Variants in PTGFR observed in about 807,000 individuals in gnomAD.
PTGFR encodes the protein prostaglandin F2-alpha receptor.
Under a neutral mutation model 26.2 loss-of-function variants are expected in PTGFR, and 15 were observed. That is an observed-to-expected ratio of 0.57 (90% CI 0.38 to 0.88). The LOEUF (loss-of-function observed/expected upper bound fraction) is 0.88, where lower values mean the gene tolerates loss of function less well. PTGFR is among the 40% of genes least tolerant of loss of function. The probability of loss-of-function intolerance (pLI) is 0.00; values close to 1 mark genes in which losing one functional copy is unlikely to be tolerated. For synonymous variants in PTGFR, 165 were observed against 151.1 expected (o/e 1.09, Z -0.68); for missense variants, 369 against 427.2 (o/e 0.86, Z 1.20).
intron 2 of PTGFR, among the ~76,000 whole-genome samples, chr1:78,511,222 A>G (rs1024551912): frequency 6.6e-6 from 1 of 152,216 alleles, no homozygotes; most frequent in African/African-American, 2.4e-5. Context: ...GCTCCAACCC[A>G]AAACTTTTCC....
intron 2 of PTGFR, among the ~76,000 whole-genome samples, chr1:78,494,423 T>C (rs1018588276): frequency 2.6e-5 from 4 of 152,154 alleles, no homozygotes; most frequent in Admixed American, 2.6e-4. Context: ...CTTTTTTCCC[T>C]CGTCTGTAAC....
chr1:78,536,331 G>C (rs968784895), intron 2 of PTGFR, 75 bp from the exon 3 acceptor site: 1 of 1,399,702 alleles, frequency 7.1e-7, no homozygotes, highest in African/African-American at 1.4e-5. Flanking sequence ...ATGTCATCTA[G>C]CATAGCTAAT....
chr1:78,518,480 A>G (rs1440387923), intron 2 of PTGFR, among the ~76,000 whole-genome samples: 1 of 151,854 alleles, frequency 6.6e-6, no homozygotes, highest in African/African-American at 2.4e-5. Context: ...TTGACCCTAG[A>G]GAATCAGTTT....
chr1:78,492,859 TG>T lies in PTGFR; in HGVS notation c.119del (p.Gly40GlufsTer13). The T allele has an allele frequency of 6.2e-7, 1 of 1,614,162 alleles. No individual in the cohort carries two copies. The highest frequency in any genetic ancestry group is 8.5e-7 in the Non-Finnish European group (1 of 1,180,026). On this transcript the variant is annotated frameshift_variant, in exon 2 of 3. Coordinates refer to ENST00000370757, the MANE Select transcript of PTGFR (RefSeq NM_000959.4). LOFTEE classifies it high-confidence loss of function. The stretch of plus-strand genomic sequence containing the variant: ...TTTTTTTCAGTAATCTTCATGACAG[TG>T]GGAATCTTGTCAAACAGCCTTGCCA... The part of the protein sequence containing the change: ...SVFFSVIFMT[V>X]GILSNSLAIA...
chr1:78,507,947 G>A lies in PTGFR; in HGVS notation c.798+14406G>A, dbSNP rs529354502. On this transcript the variant is annotated intron_variant, in intron 2 of 2. Transcript: ENST00000370757. ...GACCTTGCTGACTTTATTCTATTTT[G>A]TTTTCTTCATTTACTTGTATAAAGA... is the stretch of plus-strand genomic sequence containing the variant. Among the ~76,000 whole-genome samples the A allele has an allele frequency of 3.9e-5, 6 of 152,072 alleles. No individual in the cohort carries two copies. In the East Asian group the frequency reaches 5.8e-4, roughly 15 times the overall value.
chr1:78,495,373 G>A (rs1211077904), intron 2 of PTGFR, among the ~76,000 whole-genome samples: 1 of 152,200 alleles, frequency 6.6e-6, no homozygotes. Flanking sequence ...TTTCCCGAGT[G>A]TAATGGTTTT....
Position 78,536,793 on chromosome 1 carries a change from C to T in PTGFR, c.*106C>T, listed in dbSNP as rs1171870799. ...TAGCCTAACTGGAAAATTCAGGCTT[C>T]ATCATGTAGTTTGAAGATACTATTG... is the stretch of plus-strand genomic sequence containing the variant. On this transcript the variant is annotated 3_prime_UTR_variant, in exon 3 of 3. Transcript: ENST00000370757. 1 of 1,242,990 alleles carries T rather than the reference C, an allele frequency of 8.0e-7. No homozygotes were observed. The highest frequency in any genetic ancestry group is 1.1e-6 in the Non-Finnish European group (1 of 921,128). The allele number at this position is 1,242,990 out of a possible 1,614,324, so 77.0% of individuals were successfully genotyped here.
chr1:78,517,208 C>T (rs986763046), intron 2 of PTGFR, among the ~76,000 whole-genome samples: 1 of 152,070 alleles, frequency 6.6e-6, no homozygotes, highest in Non-Finnish European at 1.5e-5. Flanking sequence ...TTTAGAAATA[C>T]TCATTCAATT....
chr1:78,502,673 A>G (rs1010051727), intron 2 of PTGFR, among the ~76,000 whole-genome samples: 1 of 152,148 alleles, frequency 6.6e-6, no homozygotes, highest in Non-Finnish European at 1.5e-5. Flanking sequence ...GAATAATGGG[A>G]ATTATAAGAG....
Position 78,520,451 on chromosome 1 carries a change from A to G in PTGFR, c.799-15955A>G, listed in dbSNP as rs566237594. 1.5e-3 allele frequency among the ~76,000 whole-genome samples: 224 copies of G among 152,166 alleles called. 1 individual carries two copies. Among genetic ancestry groups the G allele is most frequent in the African/African-American group, 5.2e-3 (218 of 41,530 alleles). ...AAAACTTGGTAGCTTAATGGAAAAA[A>G]CAAGATAATTTATACACTGGAAAGA... On this transcript the variant is annotated intron_variant, in intron 2 of 2. Coordinates refer to ENST00000370757, the MANE Select transcript of PTGFR (RefSeq NM_000959.4).
intron 2 of PTGFR, among the ~76,000 whole-genome samples, chr1:78,525,525 T>G (rs1480355433): frequency 6.6e-6 from 1 of 152,048 alleles, no homozygotes. Context: ...TTAATGGGTA[T>G]CATCAACCAG....
At chr1:78,495,936 A>G (rs1285496552) in intron 2 of PTGFR, among the ~76,000 whole-genome samples, 1 of 152,258 alleles carries the variant, frequency 6.6e-6, no homozygotes, top group Non-Finnish European at 1.5e-5. Flanking sequence ...AATTATTGAT[A>G]TATCTGTGTC....
At chr1:78,491,765 C>T (rs1007179174) in intron 1 of PTGFR, among the ~76,000 whole-genome samples, 2 of 152,138 alleles carry the variant, frequency 1.3e-5, no homozygotes, top group Non-Finnish European at 1.5e-5. Context: ...TCGGGCTGGG[C>T]GCAGGAAAGG....
Position 78,533,064 on chromosome 1 carries a change from G to T in PTGFR, c.799-3342G>T, listed in dbSNP as rs143241850. On this transcript the variant is annotated intron_variant, in intron 2 of 2. Coordinates refer to ENST00000370757, the MANE Select transcript of PTGFR (RefSeq NM_000959.4). ...TATAGAGTTAGTTTATTTCTGTCCA[G>T]TGTATTTTCTTAAAGAAAGATTGAG... Among the ~76,000 whole-genome samples the T allele has an allele frequency of 2.5e-3, 379 of 152,204 alleles. 5 individuals carry two copies. The highest frequency in any genetic ancestry group is 1.9e-3 in the Non-Finnish European group (131 of 67,990).
At chr1:78,520,290 T>A (rs550543521) in intron 2 of PTGFR, among the ~76,000 whole-genome samples, 2 of 152,258 alleles carry the variant, frequency 1.3e-5, no homozygotes, top group South Asian at 4.1e-4. Flanking sequence ...TATCTCCTCA[T>A]ATTTCTTTAA....
intron 2 of PTGFR, among the ~76,000 whole-genome samples, chr1:78,535,151 A>C (rs1650615335): frequency 6.6e-6 from 1 of 152,136 alleles, no homozygotes; most frequent in Non-Finnish European, 1.5e-5. Flanking sequence ...TTTGTAGAGG[A>C]GAGAGGAGAA....
At chr1:78,509,499 TAAAA>T (rs904154468) in intron 2 of PTGFR, among the ~76,000 whole-genome samples, 8 of 152,386 alleles carry the variant, frequency 5.2e-5, no homozygotes, top group African/African-American at 1.9e-4. Context: ...TTTCCTAGTA[TAAAA>T]ATTTATTTCC....
chr1:78,514,635 G>T (rs1431419578), intron 2 of PTGFR, among the ~76,000 whole-genome samples: 1 of 152,160 alleles, frequency 6.6e-6, no homozygotes, highest in Non-Finnish European at 1.5e-5. Context: ...ATGTGAGAAG[G>T]ACATAAGATT....
At chr1:78,509,736 G>T (rs571006935) in intron 2 of PTGFR, among the ~76,000 whole-genome samples, 1 of 152,092 alleles carries the variant, frequency 6.6e-6, no homozygotes, top group Non-Finnish European at 1.5e-5. Flanking sequence ...CAATTTAGAT[G>T]GTCTGTATAA....
Sources: allele counts gnomAD v4.1 joint callset (sites outside exome capture counted in the v4.1 genomes callset), GRCh38; gene constraint gnomAD v4.1.1; transcripts MANE v1.5; gene names NCBI Gene and HGNC (gene_info 2026-07-23, HGNC 2026-07-21).